LINGO2: variants seen among roughly 807,000 people sequenced by gnomAD.
The protein encoded by LINGO2 is leucine-rich repeat and immunoglobulin-like domain-containing nogo receptor-interacting protein 2.
LINGO2 carries 14 observed loss-of-function variants against 30.6 expected under a neutral mutation model. That is an observed-to-expected ratio of 0.46 (90% CI 0.30 to 0.72). The LOEUF (loss-of-function observed/expected upper bound fraction) is 0.72, where lower values mean the gene tolerates loss of function less well. LINGO2 is among the 30% of genes least tolerant of loss of function. The probability of loss-of-function intolerance (pLI) is 0.07; values close to 1 mark genes in which losing one functional copy is unlikely to be tolerated. For missense variants in LINGO2, 729 were observed against 751.7 expected (o/e 0.97, Z 0.35); for synonymous variants, 317 against 288.5 (o/e 1.10, Z -1.00).
chr9:29,056,202 G>C, the LINGO2 span, among the ~76,000 whole-genome samples: 1 of 151,998 alleles, frequency 6.6e-6, no homozygotes, highest in Admixed American at 6.6e-5. Context: ...GGTTGTACTA[G>C]TTTACATTCT....
chr9:28,822,992 C>A, the LINGO2 span, among the ~76,000 whole-genome samples: 1 of 152,048 alleles, frequency 6.6e-6, no homozygotes, highest in Non-Finnish European at 1.5e-5. Context: ...TTAAATAAAC[C>A]TGTTACTATA....
At chr9:29,159,096 C>G in the LINGO2 span, among the ~76,000 whole-genome samples, 19 of 152,268 alleles carry the variant, frequency 1.2e-4, no homozygotes, top group African/African-American at 3.6e-4. Context: ...TGGCTCCATA[C>G]TCTCCTGCAC....
chr9:28,078,512 A>G (rs964896942), intron 4 of LINGO2, among the ~76,000 whole-genome samples: 4 of 148,586 alleles, frequency 2.7e-5, no homozygotes, highest in Non-Finnish European at 4.4e-5. Context: ...TATATGCCTT[A>G]TTGACAAATT....
chr9:29,084,686 T>C, the LINGO2 span, among the ~76,000 whole-genome samples: 10 of 152,106 alleles, frequency 6.6e-5, no homozygotes, highest in African/African-American at 2.2e-4. Flanking sequence ...AGCCCTTCTC[T>C]AGCCTGCTTG....
chr9:28,040,464 C>CA lies in LINGO2; in HGVS notation c.-86-28060dup, dbSNP rs1491474364. 2.5e-4 allele frequency among the ~76,000 whole-genome samples: 36 copies of CA among 141,554 alleles called. No individual in the cohort carries two copies. In the East Asian group the frequency reaches 6.4e-3, roughly 25 times the overall value. The allele number at this position is 141,554 out of a possible 152,430, so 92.9% of individuals were successfully genotyped here. On this transcript the variant is annotated intron_variant, in intron 4 of 5. Transcript: ENST00000379992. The stretch of plus-strand genomic sequence containing the variant: ...TTTTTTGGACAGGGATTCACTACCT[C>CA]ACAAGACAGATGGCTCTTCATTATT...
At chr9:28,045,639 T>C (rs981070084) in intron 4 of LINGO2, among the ~76,000 whole-genome samples, 16 of 152,198 alleles carry the variant, frequency 1.1e-4, no homozygotes, top group African/African-American at 3.9e-4. Flanking sequence ...TGTCATTTAA[T>C]ACTTACAGAT....
chr9:28,453,740 C>T (rs1587695926), intron 2 of LINGO2, among the ~76,000 whole-genome samples: 1 of 151,904 alleles, frequency 6.6e-6, no homozygotes, highest in African/African-American at 2.4e-5. Flanking sequence ...GCTCCTTTTG[C>T]TCAAGATCTT....
chr9:28,955,102 A>G, the LINGO2 span, among the ~76,000 whole-genome samples: 2 of 152,142 alleles, frequency 1.3e-5, no homozygotes, highest in Admixed American at 1.3e-4. Context: ...TAGGAAATCA[A>G]TAAATATAGG....
chr9:28,746,813 T>C, the LINGO2 span, among the ~76,000 whole-genome samples: 1 of 151,910 alleles, frequency 6.6e-6, no homozygotes, highest in African/African-American at 2.4e-5. Flanking sequence ...TGTGTTAGAG[T>C]TCTGATCTAA....
Position 28,129,451 on chromosome 9 carries a change from A to G in LINGO2, c.-86-117046T>C, listed in dbSNP as rs1364565120. On this transcript the variant is annotated intron_variant, in intron 4 of 5. Transcript: ENST00000379992. This position sits in a 1 kb window ranked among gnomAD's most constrained non-coding sequence, Gnocchi z 4.0. Reference sequence around the variant, plus strand: ...CTCTTCACCCAAAAAGAGATTCCTAAGTATAACTCTTGGCCGGCCTGGATG... The same window carrying G: ...CTCTTCACCCAAAAAGAGATTCCTAGGTATAACTCTTGGCCGGCCTGGATG... Among the ~76,000 whole-genome samples, 1 of 152,124 alleles carries G rather than the reference A, an allele frequency of 6.6e-6. No homozygotes were observed. The highest frequency in any genetic ancestry group is 1.5e-5 in the Non-Finnish European group (1 of 68,028).
chr9:29,179,605 A>T, the LINGO2 span, among the ~76,000 whole-genome samples: 1 of 151,928 alleles, frequency 6.6e-6, no homozygotes. Context: ...GGGTTTCATG[A>T]TGTTGGCCAG....
At chr9:29,061,288 C>T in the LINGO2 span, among the ~76,000 whole-genome samples, 1 of 151,830 alleles carries the variant, frequency 6.6e-6, no homozygotes, top group South Asian at 2.1e-4. Context: ...TCTATAGATT[C>T]AATACAATCC....
chr9:28,251,918 A>T (rs955143994), intron 4 of LINGO2, among the ~76,000 whole-genome samples: 1 of 152,208 alleles, frequency 6.6e-6, no homozygotes, highest in Non-Finnish European at 1.5e-5. Flanking sequence ...CTGGAGAAGT[A>T]CATGAAAGAA....
chr9:28,030,174 G>A (rs911960237), intron 4 of LINGO2, among the ~76,000 whole-genome samples: 2 of 152,142 alleles, frequency 1.3e-5, no homozygotes, highest in Non-Finnish European at 2.9e-5. Context: ...GCACAGACAA[G>A]TGCTTATTAA....
intron 2 of LINGO2, among the ~76,000 whole-genome samples, chr9:28,428,572 G>T (rs1419635191): frequency 6.6e-6 from 1 of 152,074 alleles, no homozygotes; most frequent in Non-Finnish European, 1.5e-5. Flanking sequence ...ATGCAGCGGG[G>T]TTTTCAGTCA....
chr9:28,851,577 G>T, the LINGO2 span, among the ~76,000 whole-genome samples: 1 of 151,974 alleles, frequency 6.6e-6, no homozygotes, highest in African/African-American at 2.4e-5. Flanking sequence ...TAACATCTAT[G>T]AGGAGCCATG....
chr9:29,111,820 GAT>G, the LINGO2 span, among the ~76,000 whole-genome samples: 54 of 54,612 alleles, frequency 9.9e-4, no homozygotes, highest in East Asian at 2.6e-3. Context: ...CAGATTTAAA[GAT>G]ATATATATAT....
the LINGO2 span, among the ~76,000 whole-genome samples, chr9:28,917,441 G>GT: frequency 6.6e-6 from 1 of 151,322 alleles, no homozygotes; most frequent in Non-Finnish European, 1.5e-5. Context: ...ATTAGAATAG[G>GT]TTTTTTTGGG....
chr9:28,215,924 T>C (rs901340340), intron 4 of LINGO2, among the ~76,000 whole-genome samples: 1 of 151,812 alleles, frequency 6.6e-6, no homozygotes, highest in Non-Finnish European at 1.5e-5. Flanking sequence ...AAGCAAACAC[T>C]GTGAGCTATG....
Sources: gnomAD v4.1 joint callset for allele counts (sites outside exome capture counted in the v4.1 genomes callset) on GRCh38, gnomAD v4.1.1 for gene constraint, Gnocchi (gnomAD v3.1) non-coding constraint, MANE v1.5 for transcripts, NCBI Gene and HGNC (gene_info 2026-07-23, HGNC 2026-07-21) for gene names.